Variants in PRDM12 observed in about 807,000 individuals in gnomAD.
The protein encoded by PRDM12 is PR domain zinc finger protein 12.
PRDM12 carries 17 observed loss-of-function variants against 29.6 expected under a neutral mutation model. That is an observed-to-expected ratio of 0.57 (90% CI 0.39 to 0.86). The LOEUF (loss-of-function observed/expected upper bound fraction) is 0.86. Among genes scored for constraint, PRDM12 ranks in the 40% least tolerant of loss-of-function variants. The pLI is 0.00. For missense variants in PRDM12, 422 were observed against 510.8 expected (o/e 0.83, Z 1.68); for synonymous variants, 231 against 225.8 (o/e 1.02, Z -0.21).
chr9:130,675,132 G>A (rs1588187514), intron 3 of PRDM12, among the ~76,000 whole-genome samples: 2 of 152,094 alleles, frequency 1.3e-5, no homozygotes, highest in African/African-American at 2.4e-5. Flanking sequence ...TGCCCGCCTC[G>A]GCCTCCCAAA....
chr9:130,681,822 C>A lies in PRDM12; in HGVS notation c.*153C>A. The A allele has an allele frequency of 2.9e-6, 2 of 681,782 alleles. No individual in the cohort carries two copies. Among genetic ancestry groups the A allele is most frequent in the Non-Finnish European group, 1.8e-6 (1 of 552,626 alleles). 42.2% of individuals were successfully genotyped at this position (681,782 alleles called of 1,614,324 possible). On this transcript the variant is annotated 3_prime_UTR_variant, in exon 5 of 5. Coordinates refer to ENST00000253008, the MANE Select transcript of PRDM12 (RefSeq NM_021619.3). This position sits in a 1 kb window ranked among gnomAD's most constrained non-coding sequence, Gnocchi z 8.1. ...GCGCCCCGGAGGCGGATCTCAGGCA[C>A]CCCCGCCTTGGCCCGTGTCGCAGAT...
Position 130,681,681 on chromosome 9 carries a change from C to T in PRDM12, c.*12C>T, listed in dbSNP as rs1276363968. On this transcript the variant is annotated 3_prime_UTR_variant, in exon 5 of 5. Coordinates refer to ENST00000253008, the MANE Select transcript of PRDM12 (RefSeq NM_021619.3). This position sits in a 1 kb window ranked among gnomAD's most constrained non-coding sequence, Gnocchi z 8.1. ...CCATGGTGCTGTGAGCGCGCCCGCG[C>T]CCCCGCCGGGCCCCGCGCGCTCCTG... The T allele has an allele frequency of 2.0e-6, 2 of 980,302 alleles. No individual in the cohort carries two copies. Among genetic ancestry groups the T allele is most frequent in the Non-Finnish European group, 2.4e-6 (2 of 827,726 alleles). 60.7% of individuals were successfully genotyped at this position (980,302 alleles called of 1,614,324 possible).
rs753936222 is a variant in PRDM12 at position 130,664,628 on chromosome 9, C to A, written c.-26C>A. On this transcript the variant is annotated 5_prime_UTR_variant, in exon 1 of 5. Transcript: ENST00000253008. The surrounding 1 kb of genome is among the most constrained non-coding windows in gnomAD (Gnocchi z 6.4). ...CTCCCCCGTCGGCCCGGCCGTCCCCCGGCGCCGGGGAGCTCCGGGCCGCCC... is the reference window on the plus strand; with the variant it reads ...CTCCCCCGTCGGCCCGGCCGTCCCCAGGCGCCGGGGAGCTCCGGGCCGCCC... The A allele has an allele frequency of 1.3e-6, 2 of 1,510,476 alleles. No homozygotes were observed. The highest frequency in any genetic ancestry group is 1.8e-6 in the Non-Finnish European group (2 of 1,133,888). 93.6% of individuals were successfully genotyped at this position (1,510,476 alleles called of 1,614,324 possible).
In PRDM12 at chr9:130,668,410, A is replaced by G; in HGVS notation, c.570+97A>G. ...GCGGTGTCCAGGAACCACAGTGGAC[A>G]GAGGGGAGCTGACACTGGCCTCGCT... On this transcript the variant is annotated intron_variant, in intron 3 of 4. Transcript: ENST00000253008. This position sits in a 1 kb window ranked among gnomAD's most constrained non-coding sequence, Gnocchi z 4.0. 1.3e-6 allele frequency: 2 copies of G among 1,562,694 alleles called. No individual in the cohort carries two copies. The highest frequency in any genetic ancestry group is 1.7e-6 in the Non-Finnish European group (2 of 1,146,912).
At chr9:130,666,919 C>T in intron 2 of PRDM12, 121 bp downstream of exon 2, 1 of 1,316,920 alleles carries the variant, frequency 7.6e-7, no homozygotes, top group Non-Finnish European at 1.0e-6. Flanking sequence ...CACTCCTGGC[C>T]TGGACGCCCC....
In PRDM12 at chr9:130,664,905, A is replaced by G; in HGVS notation, c.223+29A>G. The G allele has an allele frequency of 6.7e-7, 1 of 1,498,808 alleles. No individual in the cohort carries two copies. The highest frequency in any genetic ancestry group is 8.9e-7 in the Non-Finnish European group (1 of 1,118,400). 92.8% of individuals were successfully genotyped at this position (1,498,808 alleles called of 1,614,324 possible). A position where few individuals can be genotyped will look rare whatever the true frequency, so the allele number is the denominator to read the frequency against. On this transcript the variant is annotated intron_variant, in intron 1 of 4. Coordinates refer to ENST00000253008, the MANE Select transcript of PRDM12 (RefSeq NM_021619.3). The surrounding 1 kb of genome is among the most constrained non-coding windows in gnomAD (Gnocchi z 6.4). ...AGTCCAGCCGTCGGAGCCCGGCGCA[A>G]TCCCTCCTCCCGGCGACCCCCATTC...
Position 130,666,591 on chromosome 9 carries a change from T to C in PRDM12, c.224-17T>C. 1.3e-6 allele frequency: 2 copies of C among 1,597,244 alleles called. No homozygotes were observed. The highest frequency in any genetic ancestry group is 1.7e-6 in the Non-Finnish European group (2 of 1,173,218). On this transcript the variant is annotated splice_polypyrimidine_tract_variant and intron_variant, in intron 1 of 4. Transcript: ENST00000253008. ...TGCCTCGGGCTCTGACCGGTTTTCC[T>C]GGCCCCGCCGCCGCAGAAGTGCAGA...
chr9:130,682,475 C>T lies in PRDM12; in HGVS notation c.*806C>T, dbSNP rs1481550694. The T allele has an allele frequency of 6.6e-6, 1 of 152,426 alleles. No individual in the cohort carries two copies. Among genetic ancestry groups the T allele is most frequent in the Non-Finnish European group, 1.5e-5 (1 of 68,178 alleles). The allele number at this position is 152,426 out of a possible 1,614,324, so 9.4% of individuals were successfully genotyped here. ...AATGAAGGAGTTGGACCAATGCCCC[C>T]TCCCCTTCAGCTGTGACATCGTGCC... is the stretch of plus-strand genomic sequence containing the variant. On this transcript the variant is annotated 3_prime_UTR_variant, in exon 5 of 5. Transcript: ENST00000253008. The surrounding 1 kb of genome is among the most constrained non-coding windows in gnomAD (Gnocchi z 4.2).
chr9:130,674,066 G>C (rs556276762), intron 3 of PRDM12, among the ~76,000 whole-genome samples: 192 of 135,160 alleles, frequency 1.4e-3, no homozygotes, highest in African/African-American at 5.2e-3. Context: ...CCAGGCTGGA[G>C]TGCAATGGCG....
chr9:130,672,754 G>C (rs192907068), intron 3 of PRDM12, among the ~76,000 whole-genome samples: 2 of 152,338 alleles, frequency 1.3e-5, no homozygotes, highest in East Asian at 3.9e-4. Flanking sequence ...TGTTTGTCCA[G>C]ATGACATTGA....
At chr9:130,680,787 A>G (rs2132607396) in intron 4 of PRDM12, among the ~76,000 whole-genome samples, 1 of 151,110 alleles carries the variant, frequency 6.6e-6, no homozygotes, top group Admixed American at 6.6e-5. Context: ...AGTTAATGAA[A>G]GGTTTGGGGG....
At chr9:130,666,320 A>G (rs1290739303) in intron 1 of PRDM12, among the ~76,000 whole-genome samples, 1 of 152,234 alleles carries the variant, frequency 6.6e-6, no homozygotes, top group African/African-American at 2.4e-5. Flanking sequence ...AGAAGTTGCG[A>G]ATGCTTTGAG....
Position 130,664,959 on chromosome 9 carries a change from G to A in PRDM12, c.223+83G>A. ...TCCTGGCGATGCGCGAGACGCGGCT[G>A]GGATACCCGGCCTCGCTGCTACTCG... On this transcript the variant is annotated intron_variant, in intron 1 of 4. Coordinates refer to ENST00000253008, the MANE Select transcript of PRDM12 (RefSeq NM_021619.3). The surrounding 1 kb of genome is among the most constrained non-coding windows in gnomAD (Gnocchi z 6.4). The A allele has an allele frequency of 7.4e-7, 1 of 1,352,006 alleles. No homozygotes were observed. Among genetic ancestry groups the A allele is most frequent in the Non-Finnish European group, 9.9e-7 (1 of 1,008,900 alleles). The allele number at this position is 1,352,006 out of a possible 1,614,324, so 83.8% of individuals were successfully genotyped here.
intron 1 of PRDM12, among the ~76,000 whole-genome samples, chr9:130,666,087 C>T (rs533364327): frequency 1.3e-5 from 2 of 152,312 alleles, no homozygotes; most frequent in Admixed American, 1.3e-4. Context: ...GCACCTCCAA[C>T]ACCTGCCAGC....
chr9:130,666,847 G>A (rs1355147527), intron 2 of PRDM12, 49 bp downstream of exon 2: 19 of 1,544,262 alleles, frequency 1.2e-5, no homozygotes, highest in African/African-American at 2.8e-5. Flanking sequence ...GAGGGGCGCT[G>A]GTCGCGGGTA....
At chr9:130,676,518 CA>C (rs952331395) in intron 3 of PRDM12, among the ~76,000 whole-genome samples, 5 of 151,934 alleles carry the variant, frequency 3.3e-5, no homozygotes, top group African/African-American at 1.2e-4. Flanking sequence ...AAAAGAAAAA[CA>C]AAAAAAACCA....
chr9:130,680,483 ATTAGC>A (rs1475574266), intron 4 of PRDM12, among the ~76,000 whole-genome samples: 1 of 151,082 alleles, frequency 6.6e-6, no homozygotes, highest in African/African-American at 2.4e-5. Flanking sequence ...AAATAGAAAA[ATTAGC>A]TGGGCGTGGT....
rs1181007721 is a variant in PRDM12 at position 130,680,634 on chromosome 9, AAT to A, written c.683-589_683-588del. ...AGGGAGACTCCGTCTAAAAAAAAAA[AAT>A]ATATATATATATATATATATATATT... On this transcript the variant is annotated intron_variant, in intron 4 of 4. Coordinates refer to ENST00000253008, the MANE Select transcript of PRDM12 (RefSeq NM_021619.3). Among the ~76,000 whole-genome samples, 68 of 88,486 alleles carry A rather than the reference AAT, an allele frequency of 7.7e-4. 1 individual carries two copies. The highest frequency in any genetic ancestry group is 1.8e-3 in the Admixed American group (12 of 6,688). 58.1% of individuals were successfully genotyped at this position (88,486 alleles called of 152,430 possible).
At chr9:130,673,749 G>A (rs918557872) in intron 3 of PRDM12, among the ~76,000 whole-genome samples, 3 of 135,250 alleles carry the variant, frequency 2.2e-5, no homozygotes, top group African/African-American at 8.4e-5. Flanking sequence ...TTGGCTCACC[G>A]CAACCTCTGC....
Sources: gnomAD v4.1 joint callset for allele counts (sites outside exome capture counted in the v4.1 genomes callset) on GRCh38, gnomAD v4.1.1 for gene constraint, Gnocchi (gnomAD v3.1) non-coding constraint, MANE v1.5 for transcripts, NCBI Gene and HGNC (gene_info 2026-07-23, HGNC 2026-07-21) for gene names.